Variants in PLEKHG4B observed in about 807,000 individuals in gnomAD.
The protein encoded by PLEKHG4B is pleckstrin homology and RhoGEF domain containing G4B, also known as pleckstrin homology domain-containing family G member 4B.
PLEKHG4B carries 111 observed loss-of-function variants against 121.3 expected under a neutral mutation model. The observed-to-expected ratio is 0.92, with a 90% CI of 0.78 to 1.07. The LOEUF is 1.07. PLEKHG4B is among the 50% of genes least tolerant of loss of function. The probability of loss-of-function intolerance (pLI) is 0.00; values close to 1 mark genes in which losing one functional copy is unlikely to be tolerated. For missense variants in PLEKHG4B, 1,831 were observed against 1,757.8 expected (o/e 1.04, Z -0.74); for synonymous variants, 738 against 725.0 (o/e 1.02, Z -0.29).
At chr5:95,376 G>A (rs963994021) in intron 1 of PLEKHG4B, among the ~76,000 whole-genome samples, 1 of 152,052 alleles carries the variant, frequency 6.6e-6, no homozygotes, top group Non-Finnish European at 1.5e-5. Context: ...GCCTCACCTA[G>A]AGAGGGCTTT....
In PLEKHG4B at chr5:159,733, C is replaced by T. The variant is rs186907591; in HGVS notation, c.2488-2050C>T. Among the ~76,000 whole-genome samples, 63 of 152,264 alleles carry T rather than the reference C, an allele frequency of 4.1e-4. No individual in the cohort carries two copies. Among genetic ancestry groups the T allele is most frequent in the Non-Finnish European group, 7.5e-4 (51 of 68,010 alleles). Reference sequence around the variant, plus strand: ...CGGTCTGATTCTTTTCCTCTAATCCCGGCCTGAAAGGAGAGCCTGGCCGTA... The same window carrying T: ...CGGTCTGATTCTTTTCCTCTAATCCTGGCCTGAAAGGAGAGCCTGGCCGTA... On this transcript the variant is annotated intron_variant, in intron 11 of 19. Transcript: ENST00000637938. This position sits in a 1 kb window ranked among gnomAD's most constrained non-coding sequence, Gnocchi z 5.5.
intron 12 of PLEKHG4B, among the ~76,000 whole-genome samples, 162 bp downstream of exon 12, chr5:162,106 A>G (rs1736029429): frequency 2.0e-5 from 3 of 152,204 alleles, no homozygotes; most frequent in Admixed American, 1.3e-4. Context: ...GGCTCTCTGG[A>G]GAAGGCTCTG....
At chr5:161,641 T>C (rs1234864982) in intron 11 of PLEKHG4B, 142 bp from the exon 12 acceptor site, 1 of 1,007,540 alleles carries the variant, frequency 9.9e-7, no homozygotes, top group Admixed American at 2.2e-5. Context: ...GTGCCTGCTC[T>C]CGAGAATGAG....
At chr5:173,196 T>C (rs765962196) in intron 17 of PLEKHG4B, 129 bp downstream of exon 17, 95 of 892,664 alleles carry the variant, frequency 1.1e-4, no homozygotes, top group Non-Finnish European at 1.6e-4. Context: ...CGCACTGCGA[T>C]GTTTGTTTTC....
rs1736542737 is a variant in PLEKHG4B, at chr5:171,298, C to T, written c.3904C>T (p.Leu1302=). ...PVQRVAKYAL[L]LQDLLKEASC... ...GCAGCGTGTGGCCAAGTACGCGCTG[C>T]TACTCCAGGACCTGCTCAAGGAGGC... Residue 1302 remains leucine, a synonymous_variant, in exon 16 of 20, where the codon CTA becomes TTA. Transcript: ENST00000637938. 1 of 1,612,334 alleles carries T rather than the reference C, an allele frequency of 6.2e-7. No individual in the cohort carries two copies. Among genetic ancestry groups the T allele is most frequent in the African/African-American group, 1.3e-5 (1 of 74,936 alleles).
At chr5:164,402 T>C (rs976283747) in intron 13 of PLEKHG4B, among the ~76,000 whole-genome samples, 4 of 151,454 alleles carry the variant, frequency 2.6e-5, no homozygotes, top group African/African-American at 9.7e-5. Flanking sequence ...CACACAGTAA[T>C]GATGTGACTG....
At chr5:161,419 C>G (rs1735995512) in intron 11 of PLEKHG4B, among the ~76,000 whole-genome samples, 1 of 152,250 alleles carries the variant, frequency 6.6e-6, no homozygotes, top group African/African-American at 2.4e-5. Flanking sequence ...CGTGCCACCT[C>G]TCATCAGTCG....
chr5:154,986 C>T lies in PLEKHG4B; in HGVS notation c.2104C>T (p.Arg702Cys), dbSNP rs369419121. 8.7e-6 allele frequency: 14 copies of T among 1,611,236 alleles called. No homozygotes were observed. Among genetic ancestry groups the T allele is most frequent in the African/African-American group, 6.7e-5 (5 of 74,912 alleles). The change falls in exon 8 of 20, where the codon CGT becomes TGT. Residue 702 changes from arginine (R) to cysteine (C), a missense_variant. Arg to Cys is a radical substitution (Grantham distance 180). Coordinates refer to ENST00000637938, the MANE Select transcript of PLEKHG4B (RefSeq NM_052909.5). ...PYSHGDWICF[R>C]QRLEHFAANC... ...CAGCCATGGTGACTGGATCTGCTTC[C>T]GTCAGGTAGGTTCAGCCTGCAGCTG...
intron 5 of PLEKHG4B, among the ~76,000 whole-genome samples, chr5:144,524 T>C (rs1196418608): frequency 6.6e-6 from 1 of 152,196 alleles, no homozygotes; most frequent in Non-Finnish European, 1.5e-5. Flanking sequence ...GCTCCCTTGA[T>C]GGAGCACGGC....
At position 163,174 on chromosome 5, in the gene PLEKHG4B, G is replaced by A. The variant is rs767638315; in HGVS notation, c.3102G>A (p.Trp1034Ter). The change falls in exon 13 of 20, where the codon TGG (tryptophan) becomes TGA (stop). Residue 1034 changes from tryptophan to a stop codon, truncating the protein, a stop_gained. Transcript: ENST00000637938. LOFTEE classifies it high-confidence loss of function. ...TGCGCCCAGGGCTGTGTGCTCTGTG[G>A]GACCCACTGTCCCTCCTCAGGGGCC... ...ETLRPGLCAL[W>*]DPLSLLRGLP... 1.1e-5 allele frequency: 17 copies of A among 1,572,440 alleles called. No individual in the cohort carries two copies. Among genetic ancestry groups the A allele is most frequent in the Middle Eastern group, 1.7e-4 (1 of 5,850 alleles).
rs2126481133 is a variant in PLEKHG4B at position 189,722 on chromosome 5, G to A, written c.*7399G>A. 1 of 152,326 alleles carries A rather than the reference G, an allele frequency of 6.6e-6. No individual in the cohort carries two copies. Among genetic ancestry groups the A allele is most frequent in the South Asian group, 2.1e-4 (1 of 4,832 alleles). 9.4% of individuals were successfully genotyped at this position (152,326 alleles called of 1,614,324 possible). A position where few individuals can be genotyped will look rare whatever the true frequency, so the allele number is the denominator to read the frequency against. On this transcript the variant is annotated 3_prime_UTR_variant, in exon 20 of 20. Transcript: ENST00000637938. ...AACAGTAAGCGAGAGGGAGGCTGCA[G>A]GGGCCCAGACCTTGGCTGACCTTCC...
intron 2 of PLEKHG4B, among the ~76,000 whole-genome samples, chr5:124,372 C>T (rs933837276): frequency 3.9e-5 from 6 of 152,166 alleles, no homozygotes; most frequent in African/African-American, 4.8e-5. Flanking sequence ...CTAGAGTGTT[C>T]TGCATATGTC....
Position 157,156 on chromosome 5 carries a change from A to T in PLEKHG4B, c.2487+245A>T, listed in dbSNP as rs1735812626. Reference sequence around the variant, plus strand: ...GTTTAATCCAGAGGAGGCCAGGGAGAAAAATAATTTCACACTGTGCCTTCT... The same window carrying T: ...GTTTAATCCAGAGGAGGCCAGGGAGTAAAATAATTTCACACTGTGCCTTCT... On this transcript the variant is annotated intron_variant, in intron 11 of 19. Transcript: ENST00000637938. The surrounding 1 kb of genome is among the most constrained non-coding windows in gnomAD (Gnocchi z 4.6). 3.7e-6 allele frequency: 2 copies of T among 544,512 alleles called. No individual in the cohort carries two copies. Among genetic ancestry groups the T allele is most frequent in the Non-Finnish European group, 6.6e-6 (2 of 305,222 alleles). 33.7% of individuals were successfully genotyped at this position (544,512 alleles called of 1,614,324 possible). A position where few individuals can be genotyped will look rare whatever the true frequency, so the allele number is the denominator to read the frequency against.
In PLEKHG4B at chr5:182,400, G is replaced by C; in HGVS notation, c.*77G>C. Reference sequence around the variant, plus strand: ...GCAGCACGCCAGGCCTGATGACTCTGGGGGTGGCGGTGCCCATCGCGTGGC... The same window carrying C: ...GCAGCACGCCAGGCCTGATGACTCTCGGGGTGGCGGTGCCCATCGCGTGGC... On this transcript the variant is annotated 3_prime_UTR_variant, in exon 20 of 20. Coordinates refer to ENST00000637938, the MANE Select transcript of PLEKHG4B (RefSeq NM_052909.5). 7.0e-7 allele frequency: 1 copy of C among 1,433,832 alleles called. No individual in the cohort carries two copies. Among genetic ancestry groups the C allele is most frequent in the South Asian group, 1.3e-5 (1 of 75,706 alleles). The allele number at this position is 1,433,832 out of a possible 1,614,324, so 88.8% of individuals were successfully genotyped here.
At chr5:155,047 T>C (rs565769326) in intron 8 of PLEKHG4B, 56 bp downstream of exon 8, 2 of 1,433,022 alleles carry the variant, frequency 1.4e-6, no homozygotes, top group South Asian at 1.1e-5. Context: ...CTTTCTGTTA[T>C]GTGGTTGTTT....
intron 7 of PLEKHG4B, among the ~76,000 whole-genome samples, 175 bp from the exon 8 acceptor site, chr5:154,700 C>A (rs988427086): frequency 7.0e-6 from 1 of 143,512 alleles, no homozygotes; most frequent in African/African-American, 2.6e-5. Flanking sequence ...TTCCCGTCTT[C>A]TCGCTTTCAT....
At chr5:99,016 T>C (rs1340557103) in intron 1 of PLEKHG4B, among the ~76,000 whole-genome samples, 2 of 145,514 alleles carry the variant, frequency 1.4e-5, no homozygotes, top group Admixed American at 6.8e-5. Context: ...ATTAGCTGGG[T>C]GTGGTGCTGT....
At chr5:151,652 G>T (rs1431733177) in intron 7 of PLEKHG4B, 53 bp downstream of exon 7, 10 of 1,178,840 alleles carry the variant, frequency 8.5e-6, no homozygotes, top group Non-Finnish European at 1.2e-5. Context: ...AAACATTAAG[G>T]CACCTAGATG....
chr5:171,356 G>A lies in PLEKHG4B; in HGVS notation c.3962G>A (p.Gly1321Asp). 1.2e-6 allele frequency: 2 copies of A among 1,612,178 alleles called. No individual in the cohort carries two copies. Among genetic ancestry groups the A allele is most frequent in the African/African-American group, 1.3e-5 (1 of 75,058 alleles). Reference sequence around the variant, plus strand: ...GGCCTGGCCCAGGGGCAGGAGCTGGGCGAGCTCCGAGCCGCCGAGGTCGTG... The same window carrying A: ...GGCCTGGCCCAGGGGCAGGAGCTGGACGAGCTCCGAGCCGCCGAGGTCGTG... The part of the protein sequence containing the change: ...SCGLAQGQEL[G>D]ELRAAEVVVC... The change falls in exon 16 of 20, where the codon GGC becomes GAC. Residue 1321 changes from glycine to aspartate, a missense_variant. Transcript: ENST00000637938.
Sources: gnomAD v4.1 joint callset for allele counts (sites outside exome capture counted in the v4.1 genomes callset) on GRCh38, gnomAD v4.1.1 for gene constraint, Gnocchi (gnomAD v3.1) non-coding constraint, MANE v1.5 for transcripts, NCBI Gene and HGNC (gene_info 2026-07-23, HGNC 2026-07-21) for gene names.